FAT3: variants seen among roughly 807,000 people sequenced by gnomAD.
FAT3 encodes the protein FAT atypical cadherin 3.
In FAT3, 95 loss-of-function variants were observed where a neutral mutation model predicts 310.2. The observed-to-expected ratio is 0.31, with a 90% CI of 0.26 to 0.36. The LOEUF is 0.36. Among genes scored for constraint, FAT3 ranks in the 10% least tolerant of loss-of-function variants. The probability of loss-of-function intolerance (pLI) is 1.00; values close to 1 mark genes in which losing one functional copy is unlikely to be tolerated. For missense variants in FAT3, 5,408 were observed against 5,715.6 expected, an observed-to-expected ratio of 0.95 and a Z score of 1.74; for synonymous variants, 2,314 against 2,192.9, an observed-to-expected ratio of 1.06 and a Z score of -1.54.
rs534259521 is a variant in FAT3 at position 92,509,596 on chromosome 11, A to G, written c.3293-15038A>G. Among the ~76,000 whole-genome samples the G allele has an allele frequency of 2.3e-4, 35 of 152,284 alleles. 1 individual carries two copies. In the East Asian group the frequency reaches 5.4e-3, roughly 24 times the overall value. On this transcript the variant is annotated intron_variant, in intron 2 of 27. Transcript: ENST00000525166. ...GATGGAGGAGAGAACATTCTTACAC[A>G]TAGTTTACATTTTAGTGTGTTATTG...
chr11:92,254,748 C>T (rs1333686716), intron 1 of FAT3, among the ~76,000 whole-genome samples: 1 of 152,014 alleles, frequency 6.6e-6, no homozygotes, highest in East Asian at 1.9e-4. Flanking sequence ...TCTTGTCACC[C>T]AGGTTGGAGT....
intron 3 of FAT3, among the ~76,000 whole-genome samples, chr11:92,693,710 A>T (rs954581922): frequency 3.3e-5 from 5 of 152,122 alleles, no homozygotes; most frequent in African/African-American, 1.2e-4. Context: ...AAGCTTTTAC[A>T]CCTTAGTGGT....
At chr11:92,355,438 T>A (rs117827432) in intron 2 of FAT3, 34 bp downstream of exon 2, 2 of 1,569,868 alleles carry the variant, frequency 1.3e-6, no homozygotes, top group Admixed American at 3.5e-5. Context: ...GAGTGTTGTT[T>A]CACCTCTTTT....
intron 1 of FAT3, among the ~76,000 whole-genome samples, chr11:92,250,330 G>C (rs1185493172): frequency 6.6e-6 from 1 of 152,038 alleles, no homozygotes; most frequent in Non-Finnish European, 1.5e-5. Flanking sequence ...ACTGGTATAT[G>C]AACACTGAAG....
At chr11:92,443,306 T>C (rs1951122951) in intron 2 of FAT3, among the ~76,000 whole-genome samples, 1 of 152,228 alleles carries the variant, frequency 6.6e-6, no homozygotes, top group African/African-American at 2.4e-5. Context: ...TGTCAGTAGC[T>C]GAAAGTCCCC....
intron 2 of FAT3, among the ~76,000 whole-genome samples, chr11:92,360,259 T>C (rs1224581393): frequency 6.6e-6 from 1 of 152,232 alleles, no homozygotes; most frequent in African/African-American, 2.4e-5. Context: ...CATTCACAAT[T>C]GCTTCAAAGA....
At chr11:92,309,104 G>A (rs1053043356) in intron 1 of FAT3, among the ~76,000 whole-genome samples, 2 of 152,000 alleles carry the variant, frequency 1.3e-5, no homozygotes, top group Admixed American at 6.6e-5. Flanking sequence ...TGGCCAGCTC[G>A]TTTTGTATCC....
rs369052543 is a variant in FAT3, at chr11:92,798,036, G to T, written c.5023G>T (p.Asp1675Tyr). ...TTCTCACCCCAAGTTCATTCACAAA[G>T]ACTACCAAGCAGAAGTAAATGAAAA... is the stretch of plus-strand genomic sequence containing the variant. ...DNSHPKFIHK[D>Y]YQAEVNENVD... The change falls in exon 10 of 28, where the codon GAC becomes TAC. Residue 1675 changes from aspartate to tyrosine, a missense_variant. Asp to Tyr is a radical substitution (Grantham distance 160). Transcript: ENST00000525166. 2 of 1,613,854 alleles carry T rather than the reference G, an allele frequency of 1.2e-6. No homozygotes were observed. The highest frequency in any genetic ancestry group is 2.2e-5 in the East Asian group (1 of 44,848).
intron 3 of FAT3, among the ~76,000 whole-genome samples, chr11:92,533,229 T>C (rs1442992223): frequency 6.6e-6 from 1 of 152,170 alleles, no homozygotes; most frequent in Non-Finnish European, 1.5e-5. Context: ...GGTCTCACTC[T>C]GTTGCCCAGG....
intron 3 of FAT3, among the ~76,000 whole-genome samples, chr11:92,645,318 A>C (rs1020288769): frequency 6.6e-6 from 1 of 152,212 alleles, no homozygotes; most frequent in Non-Finnish European, 1.5e-5. Context: ...TTACAACACT[A>C]ATACTGTCTG....
chr11:92,569,504 G>A (rs928308367), intron 3 of FAT3, among the ~76,000 whole-genome samples: 1 of 152,128 alleles, frequency 6.6e-6, no homozygotes, highest in African/African-American at 2.4e-5. Context: ...GAAAAGTAAC[G>A]AAAGTTGAGA....
chr11:92,564,515 C>G (rs554815629), intron 3 of FAT3, among the ~76,000 whole-genome samples: 1 of 151,742 alleles, frequency 6.6e-6, no homozygotes, highest in African/African-American at 2.4e-5. Flanking sequence ...AGGAATTGAA[C>G]TCAGCTCTGC....
At chr11:92,838,488 C>T (rs928498362) in intron 17 of FAT3, among the ~76,000 whole-genome samples, 6 of 152,156 alleles carry the variant, frequency 3.9e-5, no homozygotes, top group Admixed American at 2.6e-4. Flanking sequence ...AGGTACTGAG[C>T]GTCCTCTACT....
rs368858203 is a variant in FAT3 at position 92,844,359 on chromosome 11, G to A, written c.10992G>A (p.Leu3664=). The change falls in exon 19 of 28, where the codon CTG becomes CTA. Residue 3664 remains leucine, a synonymous_variant. Transcript: ENST00000525166. ...ENVSPEDFVG[L]HMHGFRRTLR... ...TGTCCCCTGAGGACTTCGTGGGGCT[G>A]CACATGCATGGGTTCCGGCGCACCC... is the stretch of plus-strand genomic sequence containing the variant. The A allele has an allele frequency of 1.2e-6, 2 of 1,613,952 alleles. No individual in the cohort carries two copies. Among genetic ancestry groups the A allele is most frequent in the Non-Finnish European group, 1.7e-6 (2 of 1,179,904 alleles).
intron 3 of FAT3, among the ~76,000 whole-genome samples, chr11:92,614,410 T>C (rs1447047922): frequency 6.6e-6 from 1 of 152,208 alleles, no homozygotes; most frequent in Non-Finnish European, 1.5e-5. Flanking sequence ...TCAACACTTG[T>C]CATTATCTGT....
chr11:92,304,000 T>A (rs1947060958), intron 1 of FAT3, among the ~76,000 whole-genome samples: 1 of 152,164 alleles, frequency 6.6e-6, no homozygotes, highest in African/African-American at 2.4e-5. Context: ...CTGTTTGATA[T>A]TTTAACGGTT....
intron 2 of FAT3, among the ~76,000 whole-genome samples, chr11:92,414,608 C>T (rs965803460): frequency 5.3e-5 from 8 of 152,134 alleles, no homozygotes; most frequent in Non-Finnish European, 7.4e-5. Flanking sequence ...AACACATGGG[C>T]TTGGATGATT....
intron 12 of FAT3, 39 bp downstream of exon 12, chr11:92,806,554 A>C: frequency 6.7e-7 from 1 of 1,502,234 alleles, no homozygotes; most frequent in Non-Finnish European, 9.0e-7. Flanking sequence ...TGTCATTGTT[A>C]ATTCATGAGA....
intron 4 of FAT3, among the ~76,000 whole-genome samples, chr11:92,756,925 T>TA (rs1157425058): frequency 6.8e-6 from 1 of 147,234 alleles, no homozygotes; most frequent in Non-Finnish European, 1.5e-5. Flanking sequence ...CATTTTTTTT[T>TA]TTTTTTTTTT....
Sources: allele counts gnomAD v4.1 joint callset (sites outside exome capture counted in the v4.1 genomes callset), GRCh38; gene constraint gnomAD v4.1.1; transcripts MANE v1.5; gene names NCBI Gene and HGNC (gene_info 2026-07-23, HGNC 2026-07-21).